The following EDNRB variants were observed in gnomAD, a reference collection of about 807,000 sequenced individuals.
EDNRB encodes the protein Hirschsprung disease 2.
A neutral mutation model predicts 46.4 loss-of-function variants in EDNRB; 18 were observed. That is an observed-to-expected ratio of 0.39 (90% CI 0.27 to 0.57). The LOEUF (loss-of-function observed/expected upper bound fraction) is 0.57. EDNRB is among the 20% of genes least tolerant of loss of function. The pLI, the probability that EDNRB is intolerant of heterozygous loss-of-function variation, is 0.61. For missense variants in EDNRB, 434 were observed against 537.5 expected (o/e 0.81, Z 1.90); for synonymous variants, 213 against 204.9 (o/e 1.04, Z -0.34).
At position 77,901,202 on chromosome 13, in the gene EDNRB, G is replaced by A; in HGVS notation, c.807C>T (p.Tyr269=). ...PVQKTAFMQF[Y]KTAKDWWLFS... Reference sequence around the variant, plus strand: ...ATAGCCACCAATCTTTTGCTGTCTTGTAAAACTATAGGGATGAGAGAATTT... The same window carrying A: ...ATAGCCACCAATCTTTTGCTGTCTTATAAAACTATAGGGATGAGAGAATTT... The change falls in exon 4 of 7, where the codon TAC becomes TAT. Residue 269 remains tyrosine (Y), a synonymous_variant. Coordinates refer to ENST00000646607, the MANE Select transcript of EDNRB (RefSeq NM_001122659.3). 2 of 1,610,468 alleles carry A rather than the reference G, an allele frequency of 1.2e-6. No individual in the cohort carries two copies. The highest frequency in any genetic ancestry group is 1.7e-6 in the Non-Finnish European group (2 of 1,177,902).
intron 1 of EDNRB, among the ~76,000 whole-genome samples, chr13:77,962,330 A>T (rs1219218967): frequency 6.6e-6 from 1 of 152,212 alleles, no homozygotes; most frequent in Non-Finnish European, 1.5e-5. Flanking sequence ...ACAACAAAAA[A>T]AAGAGTATTG....
At chr13:77,974,615 C>CCT (rs3039630) in intron 1 of EDNRB, among the ~76,000 whole-genome samples, 8 of 135,960 alleles carry the variant, frequency 5.9e-5, no homozygotes, top group Non-Finnish European at 1.2e-4. Flanking sequence ...CTCCTCTCTG[C>CCT]CTCTCTCTCT....
chr13:77,903,273 G>C lies in EDNRB; in HGVS notation c.684C>G (p.Val228=). ...CTTCAGGGACAGCCAGAACCACAGA[G>C]ACCACCCAAATCAAAACAATTTCTA... The part of the protein sequence containing the change: ...TAVEIVLIWV[V]SVVLAVPEAI... Residue 228 remains valine (V), a synonymous_variant, in exon 3 of 7, where the codon GTC becomes GTG. Transcript: ENST00000646607. 1 of 1,612,900 alleles carries C rather than the reference G, an allele frequency of 6.2e-7. No homozygotes were observed. The highest frequency in any genetic ancestry group is 8.5e-7 in the Non-Finnish European group (1 of 1,179,350).
chr13:77,903,667 A>G, intron 1 of EDNRB, 60 bp from the exon 2 acceptor site: 7 of 1,400,410 alleles, frequency 5.0e-6, no homozygotes, highest in Non-Finnish European at 7.1e-6. Context: ...TCTGAATTGT[A>G]TCACTTAGTG....
At chr13:77,919,729 G>T, upstream of EDNRB, 1 of 1,023,672 alleles carries the variant, frequency 9.8e-7, no homozygotes, top group Non-Finnish European at 1.4e-6. Flanking sequence ...CGAGGGAGGG[G>T]GGCAGTCCTC....
In EDNRB at chr13:77,973,415, A is replaced by G. The variant is rs1881794947; in HGVS notation, c.-52+1932T>C. On this transcript the variant is annotated intron_variant, in intron 1 of 7. Transcript: ENST00000646948. ...TATAGACTCTTTTTAACATTTTATA[A>G]TTTTTGCTAAAGAGCAGGTTGGTAC... Among the ~76,000 whole-genome samples, 3 of 152,072 alleles carry G rather than the reference A, an allele frequency of 2.0e-5. No individual in the cohort carries two copies. In the South Asian group the frequency reaches 6.2e-4, roughly 31 times the overall value.
rs758053746 is a variant in EDNRB, at chr13:77,899,814, T to C, written c.1194+45A>G. 2.8e-6 allele frequency: 4 copies of C among 1,420,078 alleles called. No individual in the cohort carries two copies. The Admixed American group carries it at 6.7e-5, about 24-fold the overall frequency. 88.0% of individuals were successfully genotyped at this position (1,420,078 alleles called of 1,614,324 possible). A position where few individuals can be genotyped will look rare whatever the true frequency, so the allele number is the denominator to read the frequency against. On this transcript the variant is annotated intron_variant, in intron 6 of 6. Coordinates refer to ENST00000646607, the MANE Select transcript of EDNRB (RefSeq NM_001122659.3). ...ATTAGCAGTTTTGAAAGCTTATATT[T>C]GAGCCATATTACAAAGAGCTTTTTA...
At chr13:77,950,399 G>A (rs1881059248) in intron 1 of EDNRB, among the ~76,000 whole-genome samples, 1 of 152,190 alleles carries the variant, frequency 6.6e-6, no homozygotes, top group Non-Finnish European at 1.5e-5. Context: ...GACTAGATGG[G>A]TAAGGAATAG....
chr13:77,959,249 C>A (rs531287922), intron 1 of EDNRB, among the ~76,000 whole-genome samples: 1 of 152,192 alleles, frequency 6.6e-6, no homozygotes, highest in Admixed American at 6.5e-5. Context: ...CCTCCTCAAG[C>A]GGGTCCCTGA....
At chr13:77,955,446 C>A (rs572459464) in intron 1 of EDNRB, among the ~76,000 whole-genome samples, 1 of 151,942 alleles carries the variant, frequency 6.6e-6, no homozygotes, top group East Asian at 1.9e-4. Context: ...TAATTGTTTC[C>A]TTTGCCATGC....
chr13:77,928,179 C>A lies in EDNRB; in HGVS notation c.-51-9555G>T, dbSNP rs561312875. Among the ~76,000 whole-genome samples, 11 of 152,204 alleles carry A rather than the reference C, an allele frequency of 7.2e-5. No individual in the cohort carries two copies. In the East Asian group the frequency reaches 1.9e-3, roughly 27 times the overall value. ...ATCATTTGTATGCAAGCAAATTAGACAAGTAATTAATGTTTTATAAAAATT... is the reference window on the plus strand; with the variant it reads ...ATCATTTGTATGCAAGCAAATTAGAAAAGTAATTAATGTTTTATAAAAATT... On this transcript the variant is annotated intron_variant, in intron 1 of 7. Coordinates refer to the EDNRB transcript ENST00000646948.
At chr13:77,931,729 G>T (rs1483360577) in intron 1 of EDNRB, among the ~76,000 whole-genome samples, 2 of 87,094 alleles carry the variant, frequency 2.3e-5, no homozygotes, top group East Asian at 7.8e-4. Context: ...CCTTAGCATT[G>T]AAATACTGTA....
At chr13:77,959,914 C>T (rs1881354998) in intron 1 of EDNRB, among the ~76,000 whole-genome samples, 1 of 152,092 alleles carries the variant, frequency 6.6e-6, no homozygotes, top group South Asian at 2.1e-4. Flanking sequence ...TAGCTGATTC[C>T]ATCAACTGGA....
upstream of EDNRB, among the ~76,000 whole-genome samples, chr13:77,924,626 AC>A (rs1441107864): frequency 1.3e-5 from 2 of 152,212 alleles, no homozygotes; most frequent in African/African-American, 2.4e-5. Context: ...TTGTTATGTA[AC>A]AGATCTCTGT....
chr13:77,949,384 C>T (rs1881024842), intron 1 of EDNRB, among the ~76,000 whole-genome samples: 1 of 152,138 alleles, frequency 6.6e-6, no homozygotes, highest in Admixed American at 6.6e-5. Context: ...GATGAGGGTT[C>T]CCTGTTGTCT....
At chr13:77,942,712 AT>A (rs1166246982) in intron 1 of EDNRB, among the ~76,000 whole-genome samples, 1 of 152,080 alleles carries the variant, frequency 6.6e-6, no homozygotes, top group Non-Finnish European at 1.5e-5. Flanking sequence ...ATAATTTATA[AT>A]TTTTCTATTA....
At chr13:77,940,638 C>A (rs144247783) in intron 1 of EDNRB, among the ~76,000 whole-genome samples, 1 of 151,532 alleles carries the variant, frequency 6.6e-6, no homozygotes, top group Non-Finnish European at 1.5e-5. Context: ...ACTCACACTG[C>A]GTGTTATGAA....
chr13:77,934,346 T>C (rs753788859), intron 1 of EDNRB, among the ~76,000 whole-genome samples: 135 of 152,288 alleles, frequency 8.9e-4, no homozygotes, highest in Non-Finnish European at 1.7e-3. Context: ...TTTAGTCCGT[T>C]CTACTTTTCC....
chr13:77,919,244 C>T, upstream of EDNRB: 2 of 808,636 alleles, frequency 2.5e-6, no homozygotes, highest in East Asian at 2.7e-5. Context: ...TTCAAACACT[C>T]GCGCTCCTTC....
Sources: allele counts gnomAD v4.1 joint callset (sites outside exome capture counted in the v4.1 genomes callset), GRCh38; gene constraint gnomAD v4.1.1; transcripts MANE v1.5; gene names NCBI Gene and HGNC (gene_info 2026-07-23, HGNC 2026-07-21).